Variants in MAP3K20 observed in about 807,000 individuals in gnomAD.
MAP3K20 encodes mitogen-activated protein kinase kinase kinase 20, also known as HCCS-4.
A neutral mutation model predicts 85.7 loss-of-function variants in MAP3K20; 40 were observed. The ratio of observed to expected loss-of-function variants is 0.47; its 90% CI spans 0.36 to 0.61. The LOEUF (loss-of-function observed/expected upper bound fraction) is 0.61, where lower values mean the gene tolerates loss of function less well. Ranked by LOEUF, MAP3K20 falls within the 20% of genes least tolerant of loss-of-function variation. MAP3K20 has a pLI of 0.00. For missense variants in MAP3K20, 817 were observed against 961.7 expected, an observed-to-expected ratio of 0.85 and a Z score of 1.99; for synonymous variants, 325 against 327.7, an observed-to-expected ratio of 0.99 and a Z score of 0.09.
At chr2:173,205,910 A>C (rs1192157962) in intron 9 of MAP3K20, among the ~76,000 whole-genome samples, 3 of 152,202 alleles carry the variant, frequency 2.0e-5, no homozygotes, top group Admixed American at 6.5e-5. Context: ...AGAAATGCCT[A>C]CACTTTGCAA....
intron 2 of MAP3K20, among the ~76,000 whole-genome samples, chr2:173,111,710 C>CT (rs1416836990): frequency 6.6e-6 from 1 of 152,050 alleles, no homozygotes; most frequent in Non-Finnish European, 1.5e-5. Flanking sequence ...TTTTTGTTTG[C>CT]TTTGTTGACG....
At chr2:173,187,706 A>T in intron 5 of MAP3K20, 83 bp downstream of exon 5, 1 of 1,289,524 alleles carries the variant, frequency 7.8e-7, no homozygotes, top group Middle Eastern at 2.3e-4. Flanking sequence ...ATTCTTTTAC[A>T]TATCTTTTGT....
intron 16 of MAP3K20, among the ~76,000 whole-genome samples, chr2:173,249,331 A>C (rs1340832179): frequency 6.6e-6 from 1 of 152,240 alleles, no homozygotes; most frequent in African/African-American, 2.4e-5. Context: ...GGTGTTGAGA[A>C]TAATCAGCTA....
rs571799032 is a variant in MAP3K20, at chr2:173,168,987, A to G, written c.160-818A>G. 2.5e-3 allele frequency among the ~76,000 whole-genome samples: 387 copies of G among 152,266 alleles called. 3 individuals carry two copies. The highest frequency in any genetic ancestry group is 9.0e-3 in the African/African-American group (373 of 41,554). On this transcript the variant is annotated intron_variant, in intron 2 of 19. Coordinates refer to ENST00000375213, the MANE Select transcript of MAP3K20 (RefSeq NM_016653.3). ...AATGTATAAATACGGCCTCCTATCG[A>G]ATCACCACTGAAGGTCAAGAATCTA...
At chr2:173,187,293 A>C (rs1288443368) in intron 4 of MAP3K20, among the ~76,000 whole-genome samples, 8 of 152,244 alleles carry the variant, frequency 5.3e-5, no homozygotes, top group African/African-American at 1.9e-4. Context: ...GACTGCAGAA[A>C]ATTAAGGTGT....
At chr2:173,123,369 A>G (rs995134645) in intron 2 of MAP3K20, among the ~76,000 whole-genome samples, 1 of 152,150 alleles carries the variant, frequency 6.6e-6, no homozygotes, top group African/African-American at 2.4e-5. Context: ...GCCACTATAT[A>G]TTAACAAGGG....
chr2:173,182,716 C>A, intron 3 of MAP3K20, 138 bp from the exon 4 acceptor site: 1 of 603,970 alleles, frequency 1.7e-6, no homozygotes, highest in Non-Finnish European at 2.6e-6. Flanking sequence ...TTAGAAACCA[C>A]ACCATGGAAC....
intron 16 of MAP3K20, among the ~76,000 whole-genome samples, chr2:173,254,447 A>C (rs1013259875): frequency 1.6e-4 from 25 of 151,904 alleles, no homozygotes; most frequent in Admixed American, 1.6e-3. Context: ...AAAAAAAAAA[A>C]AAAAAAAATC....
At chr2:173,195,659 G>C (rs1212887991) in intron 7 of MAP3K20, among the ~76,000 whole-genome samples, 4 of 145,540 alleles carry the variant, frequency 2.7e-5, no homozygotes, top group Non-Finnish European at 6.1e-5. Context: ...AAAAAAAGCT[G>C]ATGTCCTATC....
At chr2:173,238,029 G>A (rs1365794307) in intron 14 of MAP3K20, among the ~76,000 whole-genome samples, 1 of 152,120 alleles carries the variant, frequency 6.6e-6, no homozygotes, top group Non-Finnish European at 1.5e-5. Context: ...GTGTGTGCCT[G>A]AGTCCCAGCC....
intron 1 of MAP3K20, among the ~76,000 whole-genome samples, chr2:173,080,039 CATA>C (rs1309718655): frequency 6.6e-6 from 1 of 152,108 alleles, no homozygotes; most frequent in African/African-American, 2.4e-5. Context: ...CAGCTGGCAG[CATA>C]ATAAGTTTGT....
intron 11 of MAP3K20, chr2:173,223,612 AT>A (rs1455800136): frequency 1.0e-6 from 1 of 985,372 alleles, no homozygotes. Flanking sequence ...AGCTAAACAG[AT>A]TTTTTCTGTT....
chr2:173,114,171 G>T (rs1292973094), intron 2 of MAP3K20, among the ~76,000 whole-genome samples: 1 of 152,066 alleles, frequency 6.6e-6, no homozygotes, highest in Non-Finnish European at 1.5e-5. Context: ...AACTGCTGTT[G>T]CTTTAAAGTT....
chr2:173,195,080 T>C (rs868139145), intron 7 of MAP3K20, among the ~76,000 whole-genome samples: 2 of 151,860 alleles, frequency 1.3e-5, no homozygotes, highest in African/African-American at 4.8e-5. Flanking sequence ...ATGAGAACTC[T>C]TGGAGGACTG....
intron 9 of MAP3K20, chr2:173,207,712 TG>T (rs1301041779): frequency 7.1e-6 from 1 of 140,844 alleles, no homozygotes; most frequent in Non-Finnish European, 1.5e-5. Context: ...GCTTCACAAA[TG>T]GTCCCAGTTT....
intron 2 of MAP3K20, among the ~76,000 whole-genome samples, chr2:173,102,458 T>C (rs991438722): frequency 6.6e-6 from 1 of 152,254 alleles, no homozygotes; most frequent in Non-Finnish European, 1.5e-5. Flanking sequence ...TCCAAGATGC[T>C]TTTTCTTAGC....
At chr2:173,115,514 G>A (rs1490530939) in intron 2 of MAP3K20, among the ~76,000 whole-genome samples, 1 of 152,154 alleles carries the variant, frequency 6.6e-6, no homozygotes, top group Non-Finnish European at 1.5e-5. Flanking sequence ...CCAGAGTTGG[G>A]TTTCTGGTTC....
intron 2 of MAP3K20, among the ~76,000 whole-genome samples, chr2:173,135,731 T>C (rs774598843): frequency 6.6e-6 from 1 of 152,226 alleles, no homozygotes; most frequent in Non-Finnish European, 1.5e-5. Flanking sequence ...TATATTTCTC[T>C]GAATTGTAAA....
At chr2:173,262,227 C>A (rs937028773) in intron 18 of MAP3K20, among the ~76,000 whole-genome samples, 1 of 152,084 alleles carries the variant, frequency 6.6e-6, no homozygotes, top group Non-Finnish European at 1.5e-5. Context: ...AAGATGAAGT[C>A]CACCTCAAAG....
Sources: allele counts gnomAD v4.1 joint callset (sites outside exome capture counted in the v4.1 genomes callset), GRCh38; gene constraint gnomAD v4.1.1; transcripts MANE v1.5; gene names NCBI Gene and HGNC (gene_info 2026-07-23, HGNC 2026-07-21).